The following NRF1 variants were observed in gnomAD, a reference collection of about 807,000 sequenced individuals.
The protein encoded by NRF1 is nuclear respiratory factor 1.
NRF1 carries 5 observed loss-of-function variants against 58.5 expected under a neutral mutation model. The ratio of observed to expected loss-of-function variants is 0.09; its 90% CI spans 0.04 to 0.18. The LOEUF is 0.18. NRF1 is among the 10% of genes least tolerant of loss of function. The pLI is 1.00. For missense variants in NRF1, 288 were observed against 657.7 expected, an observed-to-expected ratio of 0.44 and a Z score of 6.15; for synonymous variants, 224 against 246.7, an observed-to-expected ratio of 0.91 and a Z score of 0.86.
intron 1 of NRF1, among the ~76,000 whole-genome samples, chr7:129,649,386 T>G (rs1451430398): frequency 6.6e-6 from 1 of 152,234 alleles, no homozygotes; most frequent in Middle Eastern, 3.2e-3. Flanking sequence ...GTGGTTTTTC[T>G]TTTGATATGA....
intron 1 of NRF1, among the ~76,000 whole-genome samples, chr7:129,636,628 T>C (rs1801174146): frequency 6.6e-6 from 1 of 152,242 alleles, no homozygotes; most frequent in African/African-American, 2.4e-5. Context: ...TTATGCTCAC[T>C]AAGCCATTGG....
At chr7:129,646,940 T>C (rs1206262288) in intron 1 of NRF1, among the ~76,000 whole-genome samples, 1 of 152,160 alleles carries the variant, frequency 6.6e-6, no homozygotes, top group Non-Finnish European at 1.5e-5. Context: ...GTGCAGCTGA[T>C]TACCCACAAT....
At chr7:129,733,166 T>G (rs2116270000) in intron 10 of NRF1, among the ~76,000 whole-genome samples, 1 of 152,272 alleles carries the variant, frequency 6.6e-6, no homozygotes, top group South Asian at 2.1e-4. Context: ...ATTTTAAAGT[T>G]CATTTGAAAG....
At chr7:129,754,927 CCTCA>C in intron 10 of NRF1, 87 bp from the exon 11 acceptor site, 1 of 1,342,502 alleles carries the variant, frequency 7.4e-7, no homozygotes, top group Non-Finnish European at 1.0e-6. Context: ...GACCACGATA[CCTCA>C]AAGGCAAGAC....
intron 1 of NRF1, among the ~76,000 whole-genome samples, chr7:129,650,793 C>T (rs1275946216): frequency 1.3e-5 from 2 of 151,560 alleles, no homozygotes; most frequent in East Asian, 1.9e-4. Context: ...TCCAGGGGTT[C>T]TGGATATCTT....
intron 10 of NRF1, among the ~76,000 whole-genome samples, chr7:129,750,505 G>GTGGGA (rs10699246): frequency 0.83 from 126,004 of 151,718 alleles, 53,355 homozygotes; most frequent in East Asian, 0.94. Flanking sequence ...AATCCCTACA[G>GTGGGA]TGGTCATGCA....
At chr7:129,625,331 G>T (rs1430715251) in intron 1 of NRF1, among the ~76,000 whole-genome samples, 2 of 152,168 alleles carry the variant, frequency 1.3e-5, no homozygotes, top group African/African-American at 2.4e-5. Context: ...AGTATTCACA[G>T]GTGCCAATGG....
chr7:129,735,233 T>A (rs774777299), intron 10 of NRF1: 18 of 985,298 alleles, frequency 1.8e-5, no homozygotes, highest in Admixed American at 6.2e-5. Context: ...ACTGGAGGGC[T>A]GTTTAAAAAT....
chr7:129,675,477 G>C (rs142999627), intron 3 of NRF1, among the ~76,000 whole-genome samples: 14 of 152,210 alleles, frequency 9.2e-5, no homozygotes, highest in African/African-American at 3.4e-4. Context: ...CACTATAGCA[G>C]CTATATCCTT....
chr7:129,667,047 C>G (rs1171099210), intron 2 of NRF1, among the ~76,000 whole-genome samples: 1 of 152,156 alleles, frequency 6.6e-6, no homozygotes, highest in Non-Finnish European at 1.5e-5. Flanking sequence ...AAAAAATACA[C>G]TCATGAGTCA....
intron 3 of NRF1, among the ~76,000 whole-genome samples, chr7:129,677,364 A>G (rs1351174674): frequency 1.3e-5 from 2 of 152,184 alleles, no homozygotes; most frequent in Non-Finnish European, 2.9e-5. Context: ...TGTTGCTCAG[A>G]TCAAGAAGAA....
chr7:129,622,800 C>T (rs1403157442), intron 1 of NRF1, among the ~76,000 whole-genome samples: 1 of 152,042 alleles, frequency 6.6e-6, no homozygotes, highest in Non-Finnish European at 1.5e-5. Context: ...GAACTCCTGA[C>T]CTCAGGTGAT....
intron 10 of NRF1, among the ~76,000 whole-genome samples, chr7:129,745,506 A>ACCCCCCCCCCCCCCCC (rs35406699): frequency 2.7e-5 from 3 of 112,580 alleles, no homozygotes; most frequent in South Asian, 3.1e-4. Flanking sequence ...ATCCCCCTCA[A>ACCCCCCCCCCCCCCCC]CCCCCCCCCC....
chr7:129,730,265 T>A (rs1803549975), intron 10 of NRF1, among the ~76,000 whole-genome samples: 1 of 152,048 alleles, frequency 6.6e-6, no homozygotes. Context: ...GCTCGAGCGA[T>A]CCTCCCACTT....
At chr7:129,662,410 G>T in intron 2 of NRF1, among the ~76,000 whole-genome samples, 1 of 150,396 alleles carries the variant, frequency 6.6e-6, no homozygotes, top group Non-Finnish European at 1.5e-5. Flanking sequence ...GTGTGTGTGT[G>T]TGTGTGTGTG....
At chr7:129,612,790 G>A (rs1004327456) in intron 1 of NRF1, among the ~76,000 whole-genome samples, 1 of 152,196 alleles carries the variant, frequency 6.6e-6, no homozygotes, top group African/African-American at 2.4e-5. Context: ...ATCGTGCAAT[G>A]ATGTCTGCTG....
intron 9 of NRF1, among the ~76,000 whole-genome samples, chr7:129,720,547 A>G (rs1803299083): frequency 6.6e-6 from 1 of 152,204 alleles, no homozygotes; most frequent in Non-Finnish European, 1.5e-5. Flanking sequence ...TGCAGATAAA[A>G]CAAGCATGGT....
intron 1 of NRF1, among the ~76,000 whole-genome samples, chr7:129,618,276 C>T (rs561347326): frequency 1.0e-3 from 153 of 152,278 alleles, no homozygotes; most frequent in African/African-American, 3.2e-3. Context: ...TAGAGTATGA[C>T]TCCAGATGTG....
chr7:129,745,230 C>T (rs777953966), intron 10 of NRF1, among the ~76,000 whole-genome samples: 100 of 152,060 alleles, frequency 6.6e-4, no homozygotes, highest in Non-Finnish European at 1.2e-3. Context: ...CAGACTTCAA[C>T]CTGAGTGTTG....
Sources: allele counts gnomAD v4.1 joint callset (sites outside exome capture counted in the v4.1 genomes callset), GRCh38; gene constraint gnomAD v4.1.1; transcripts MANE v1.5; gene names NCBI Gene and HGNC (gene_info 2026-07-23, HGNC 2026-07-21).